Variants in UBE2E3 observed in about 807,000 individuals in gnomAD.
UBE2E3 encodes the protein ubiquitin-conjugating enzyme E2 E3.
Under a neutral mutation model 23.6 loss-of-function variants are expected in UBE2E3, and 5 were observed. The ratio of observed to expected loss-of-function variants is 0.21; its 90% confidence interval spans 0.11 to 0.44. The LOEUF (loss-of-function observed/expected upper bound fraction) is 0.44. Ranked by LOEUF, UBE2E3 falls within the 20% of genes least tolerant of loss-of-function variation. UBE2E3 has a pLI of 0.99. For synonymous variants in UBE2E3, 78 were observed against 87.5 expected (o/e 0.89, Z 0.60); for missense variants, 81 against 249.8 (o/e 0.32, Z 4.55).
intron 3 of UBE2E3, among the ~76,000 whole-genome samples, chr2:180,984,992 A>G (rs917421874): frequency 9.2e-5 from 14 of 152,092 alleles, no homozygotes; most frequent in Admixed American, 3.9e-4. Flanking sequence ...TGATAGGACA[A>G]TGTTTTCATG....
At chr2:181,043,629 A>G (rs1180252268) in intron 3 of UBE2E3, among the ~76,000 whole-genome samples, 1 of 152,212 alleles carries the variant, frequency 6.6e-6, no homozygotes, top group Admixed American at 6.5e-5. Flanking sequence ...ATAATATTTG[A>G]TAAGACAAAA....
At chr2:181,052,970 C>G (rs145029258) in intron 3 of UBE2E3, among the ~76,000 whole-genome samples, 2 of 151,936 alleles carry the variant, frequency 1.3e-5, no homozygotes, top group Middle Eastern at 3.4e-3. Context: ...GCACAGGACA[C>G]CTCGCCATCA....
intron 3 of UBE2E3, among the ~76,000 whole-genome samples, chr2:181,028,280 G>A (rs377626723): frequency 2.4e-4 from 36 of 151,844 alleles, no homozygotes; most frequent in East Asian, 7.7e-4. Flanking sequence ...ATTTTATTAC[G>A]TGGATATACT....
At chr2:181,053,889 T>G (rs1686915171) in intron 3 of UBE2E3, among the ~76,000 whole-genome samples, 1 of 151,852 alleles carries the variant, frequency 6.6e-6, no homozygotes, top group African/African-American at 2.4e-5. Flanking sequence ...ACCACTGATA[T>G]TTTTACTGTT....
intron 3 of UBE2E3, among the ~76,000 whole-genome samples, chr2:181,046,723 T>G (rs1357485606): frequency 6.6e-6 from 1 of 152,130 alleles, no homozygotes; most frequent in Non-Finnish European, 1.5e-5. Context: ...TTTTTCAGAA[T>G]TAGAAAATCT....
chr2:181,028,237 A>G (rs1685960000), intron 3 of UBE2E3, among the ~76,000 whole-genome samples: 1 of 151,960 alleles, frequency 6.6e-6, no homozygotes, highest in South Asian at 2.1e-4. Flanking sequence ...GAGTCTTGGC[A>G]TGTAGCTATA....
chr2:181,041,258 G>C (rs867932944), intron 3 of UBE2E3, among the ~76,000 whole-genome samples: 1 of 108,994 alleles, frequency 9.2e-6, no homozygotes, highest in African/African-American at 3.2e-5. Context: ...AAAAAAGATA[G>C]ATTTTTTTTT....
intron 3 of UBE2E3, among the ~76,000 whole-genome samples, chr2:180,991,604 C>G (rs1684660831): frequency 6.6e-6 from 1 of 152,222 alleles, no homozygotes; most frequent in East Asian, 1.9e-4. Context: ...TGGCACAACA[C>G]AAACTCATAA....
At position 181,052,274 on chromosome 2, in the gene UBE2E3, C is replaced by T. The variant is rs149978088; in HGVS notation, c.246-5419C>T. Among the ~76,000 whole-genome samples the T allele has an allele frequency of 4.2e-4, 64 of 151,872 alleles. No individual in the cohort carries two copies. In the East Asian group the frequency reaches 0.012, roughly 30 times the overall value. ...TAATTAAAATACTTTGCAGGGGTGTCCAGGGGAAAGAATACAGTCGTAGGT... is the reference window on the plus strand; with the variant it reads ...TAATTAAAATACTTTGCAGGGGTGTTCAGGGGAAAGAATACAGTCGTAGGT... On this transcript the variant is annotated intron_variant, in intron 3 of 5. Coordinates refer to ENST00000410062, the MANE Select transcript of UBE2E3 (RefSeq NM_006357.4).
intron 3 of UBE2E3, among the ~76,000 whole-genome samples, chr2:181,041,584 C>T (rs1428552872): frequency 1.3e-5 from 2 of 151,752 alleles, no homozygotes; most frequent in Non-Finnish European, 2.9e-5. Flanking sequence ...GATTACAGCA[C>T]GCACCACCAT....
chr2:181,031,358 CT>C (rs1686071516), intron 3 of UBE2E3, among the ~76,000 whole-genome samples: 1 of 152,048 alleles, frequency 6.6e-6, no homozygotes, highest in African/African-American at 2.4e-5. Context: ...TGCTGTATTA[CT>C]TTTTATTTAT....
In UBE2E3 at chr2:180,982,125, C is replaced by G; in HGVS notation, c.83C>G (p.Ala28Gly). ...TCAGATGCGGACCAGCGAGACCCAGCCGCTCCAGAGCCTGAAGAACAAGAG... is the reference window on the plus strand; with the variant it reads ...TCAGATGCGGACCAGCGAGACCCAGGCGCTCCAGAGCCTGAAGAACAAGAG... ...GSSDADQRDP[A>G]APEPEEQEER... The change falls in exon 2 of 6, where the codon GCC becomes GGC. Residue 28 changes from alanine (A) to glycine (G), a missense_variant. Physicochemically the swap from Ala to Gly is moderately conservative, Grantham distance 60 (BLOSUM62 0). Coordinates refer to ENST00000410062, the MANE Select transcript of UBE2E3 (RefSeq NM_006357.4). The G allele has an allele frequency of 6.2e-7, 1 of 1,613,248 alleles. No individual in the cohort carries two copies.
chr2:181,021,952 A>G (rs1306570326), intron 3 of UBE2E3, among the ~76,000 whole-genome samples: 3 of 152,102 alleles, frequency 2.0e-5, no homozygotes, highest in Admixed American at 6.6e-5. Context: ...GAAACCACCA[A>G]TTTTTCCCTT....
chr2:180,986,798 A>G (rs1684484585), intron 3 of UBE2E3, among the ~76,000 whole-genome samples: 1 of 152,124 alleles, frequency 6.6e-6, no homozygotes, highest in African/African-American at 2.4e-5. Context: ...GAAGAAATGT[A>G]AAGTATATCT....
chr2:181,030,622 C>T (rs79040569), intron 3 of UBE2E3, among the ~76,000 whole-genome samples: 290 of 151,980 alleles, frequency 1.9e-3, no homozygotes, highest in South Asian at 2.5e-3. Context: ...TTCTCAGAAG[C>T]GTTTTAAGAG....
chr2:180,987,260 T>A (rs1358125722), intron 3 of UBE2E3: 3 of 1,472,776 alleles, frequency 2.0e-6, no homozygotes, highest in Non-Finnish European at 2.8e-6. Flanking sequence ...ATTTCCCTAT[T>A]TGTATTTATT....
chr2:180,983,304 G>C (rs1684359155), intron 2 of UBE2E3, among the ~76,000 whole-genome samples: 1 of 152,168 alleles, frequency 6.6e-6, no homozygotes, highest in Non-Finnish European at 1.5e-5. Context: ...AGCAGTCTTT[G>C]ACATAATTTA....
intron 3 of UBE2E3, among the ~76,000 whole-genome samples, chr2:181,045,493 T>C (rs931124224): frequency 6.6e-6 from 1 of 152,190 alleles, no homozygotes; most frequent in African/African-American, 2.4e-5. Context: ...CATTCTTTTT[T>C]TCCCCATTCT....
At chr2:180,985,146 C>T (rs535445416) in intron 3 of UBE2E3, among the ~76,000 whole-genome samples, 1 of 152,120 alleles carries the variant, frequency 6.6e-6, no homozygotes, top group African/African-American at 2.4e-5. Context: ...GTGATTTGAT[C>T]CTGATTTATC....
Sources: allele counts gnomAD v4.1 joint callset (sites outside exome capture counted in the v4.1 genomes callset), GRCh38; gene constraint gnomAD v4.1.1; transcripts MANE v1.5; gene names NCBI Gene and HGNC (gene_info 2026-07-23, HGNC 2026-07-21).